Variants in STAG1 observed in about 807,000 individuals in gnomAD.
STAG1 encodes cohesin subunit SA-1.
A neutral mutation model predicts 170.9 loss-of-function variants in STAG1; 26 were observed. The observed-to-expected ratio is 0.15, with a 90% CI of 0.11 to 0.21. STAG1 has a LOEUF of 0.21. Ranked by LOEUF, STAG1 falls within the 10% of genes least tolerant of loss-of-function variation. The pLI is 1.00. For synonymous variants in STAG1, 514 were observed against 497.7 expected, an observed-to-expected ratio of 1.03 and a Z score of -0.44; for missense variants, 964 against 1,509.5, an observed-to-expected ratio of 0.64 and a Z score of 5.99.
chr3:136,606,490 A>G (rs1488194857), intron 3 of STAG1, among the ~76,000 whole-genome samples: 1 of 152,024 alleles, frequency 6.6e-6, no homozygotes, highest in African/African-American at 2.4e-5. Flanking sequence ...GAGCGGCCTG[A>G]TTTTTCTTAC....
intron 4 of STAG1, among the ~76,000 whole-genome samples, chr3:136,575,573 CAGAAAAT>C (rs1384317978): frequency 4.6e-5 from 7 of 152,156 alleles, no homozygotes; most frequent in Non-Finnish European, 8.8e-5. Flanking sequence ...ATAATTCCAA[CAGAAAAT>C]TAACAGAAAG....
chr3:136,661,985 A>G (rs1291515999), intron 1 of STAG1, among the ~76,000 whole-genome samples: 2 of 152,188 alleles, frequency 1.3e-5, no homozygotes, highest in Non-Finnish European at 2.9e-5. Flanking sequence ...TATTATCCAC[A>G]AAGCAAATGT....
chr3:136,622,796 G>A (rs970170024), intron 3 of STAG1, among the ~76,000 whole-genome samples: 1 of 152,232 alleles, frequency 6.6e-6, no homozygotes, highest in East Asian at 1.9e-4. Context: ...TCTGAGACTG[G>A]CCCCAAACTC....
In STAG1 at chr3:136,478,724, T is replaced by G. The variant is rs115141900; in HGVS notation, c.903-1312A>C. 7.7e-3 allele frequency among the ~76,000 whole-genome samples: 1,174 copies of G among 152,260 alleles called. 19 individuals are homozygous for G. Among genetic ancestry groups the G allele is most frequent in the African/African-American group, 0.027 (1,142 of 41,550 alleles). ...TTAAGGATAAAAACAGGGAAAACAT[T>G]CTCTTTCCAAGCCATACTGCCAATT... On this transcript the variant is annotated intron_variant, in intron 9 of 33. Transcript: ENST00000383202.
At chr3:136,341,374 G>C in intron 31 of STAG1, 67 bp downstream of exon 31, 15 of 1,059,332 alleles carry the variant, frequency 1.4e-5, no homozygotes, top group Non-Finnish European at 2.0e-5. Flanking sequence ...AGAAACCCAA[G>C]TCATTTCACA....
At chr3:136,476,377 G>C (rs890531576) in intron 10 of STAG1, among the ~76,000 whole-genome samples, 1 of 152,180 alleles carries the variant, frequency 6.6e-6, no homozygotes, top group Admixed American at 6.5e-5. Flanking sequence ...ATAGTCAAGG[G>C]GGGTGGGAAC....
chr3:136,363,735 A>T (rs371854169), intron 25 of STAG1, among the ~76,000 whole-genome samples: 7 of 152,162 alleles, frequency 4.6e-5, no homozygotes, highest in East Asian at 3.9e-4. Context: ...GAATTCCAGG[A>T]AGAGAGGTGG....
At chr3:136,348,286 T>C (rs1035367410) in intron 29 of STAG1, among the ~76,000 whole-genome samples, 2 of 151,904 alleles carry the variant, frequency 1.3e-5, no homozygotes, top group African/African-American at 4.8e-5. Flanking sequence ...ATAGAGCAAT[T>C]TTTAGGTTTT....
At chr3:136,723,641 G>A (rs1366168946) in intron 1 of STAG1, among the ~76,000 whole-genome samples, 72 of 145,388 alleles carry the variant, frequency 5.0e-4, no homozygotes, top group South Asian at 4.4e-4. Context: ...CAGCCGCCCC[G>A]TCCGGGAGGG....
chr3:136,377,833 A>G (rs1937690515), intron 22 of STAG1, 81 bp from the exon 23 acceptor site: 4 of 1,158,276 alleles, frequency 3.5e-6, no homozygotes, highest in African/African-American at 1.5e-5. Flanking sequence ...AGTGGAAAAT[A>G]GCAAAACTGG....
At chr3:136,530,675 G>A (rs930282653) in intron 6 of STAG1, among the ~76,000 whole-genome samples, 6 of 152,060 alleles carry the variant, frequency 3.9e-5, no homozygotes, top group African/African-American at 9.7e-5. Context: ...ACCAGTCAAC[G>A]AAGAAATTAA....
At chr3:136,384,910 C>T (rs998808670) in intron 22 of STAG1, among the ~76,000 whole-genome samples, 4 of 152,094 alleles carry the variant, frequency 2.6e-5, no homozygotes, top group Non-Finnish European at 5.9e-5. Flanking sequence ...TACAGACTGT[C>T]ATTTTAAGAA....
chr3:136,705,349 AC>A (rs1440299288), intron 1 of STAG1, among the ~76,000 whole-genome samples: 1 of 151,530 alleles, frequency 6.6e-6, no homozygotes, highest in Non-Finnish European at 1.5e-5. Flanking sequence ...CATGATATTA[AC>A]AGAAGGAAAA....
At chr3:136,439,789 G>A (rs2107757015) in intron 15 of STAG1, among the ~76,000 whole-genome samples, 1 of 152,288 alleles carries the variant, frequency 6.6e-6, no homozygotes, top group South Asian at 2.1e-4. Flanking sequence ...CAACTGTTAT[G>A]CCTAATTTCT....
intron 28 of STAG1, among the ~76,000 whole-genome samples, chr3:136,351,525 T>C (rs1936433493): frequency 6.6e-6 from 1 of 152,148 alleles, no homozygotes; most frequent in Non-Finnish European, 1.5e-5. Context: ...TGAGGCAGAC[T>C]TGAAAGCATT....
chr3:136,629,484 T>C (rs1223739394), intron 2 of STAG1, among the ~76,000 whole-genome samples: 1 of 152,062 alleles, frequency 6.6e-6, no homozygotes, highest in Non-Finnish European at 1.5e-5. Flanking sequence ...ATACCATATT[T>C]ATATATGTTC....
chr3:136,498,036 T>C lies in STAG1; in HGVS notation c.902+2187A>G, dbSNP rs866884374. ...GGAGAAACTCCGTCTCTACTAAAAA[T>C]ACAAAATTAGCTGGGCGTGGCAGAG... is the stretch of plus-strand genomic sequence containing the variant. On this transcript the variant is annotated intron_variant, in intron 9 of 33. Transcript: ENST00000383202. 5.4e-5 allele frequency among the ~76,000 whole-genome samples: 7 copies of C among 130,432 alleles called. No homozygotes were observed. The South Asian group carries it at 9.9e-4, about 19-fold the overall frequency. The allele number at this position is 130,432 out of a possible 152,430, so 85.6% of individuals were successfully genotyped here. A position where few individuals can be genotyped will look rare whatever the true frequency, so the allele number is the denominator to read the frequency against.
At chr3:136,454,181 C>T (rs777426919) in intron 13 of STAG1, among the ~76,000 whole-genome samples, 10 of 152,032 alleles carry the variant, frequency 6.6e-5, no homozygotes, top group Non-Finnish European at 1.3e-4. Flanking sequence ...TAGATTCAAG[C>T]GATTCTCATG....
intron 10 of STAG1, among the ~76,000 whole-genome samples, chr3:136,476,644 T>C (rs964192127): frequency 1.3e-5 from 2 of 152,172 alleles, no homozygotes; most frequent in Non-Finnish European, 2.9e-5. Context: ...GTAAAATAAC[T>C]TATAATGGGA....
Sources: gnomAD v4.1 joint callset for allele counts (sites outside exome capture counted in the v4.1 genomes callset) on GRCh38, gnomAD v4.1.1 for gene constraint, MANE v1.5 for transcripts, NCBI Gene and HGNC (gene_info 2026-07-23, HGNC 2026-07-21) for gene names.